Variants in SHISA9 observed in about 807,000 individuals in gnomAD.
SHISA9 encodes the protein protein shisa-9.
SHISA9 carries 13 observed loss-of-function variants against 38.0 expected under a neutral mutation model. The observed-to-expected ratio is 0.34, with a 90% confidence interval of 0.22 to 0.54. The LOEUF (loss-of-function observed/expected upper bound fraction) is 0.54. Among genes scored for constraint, SHISA9 ranks in the 20% least tolerant of loss-of-function variants. SHISA9 has a pLI of 0.91. For missense variants in SHISA9, 538 were observed against 575.8 expected (o/e 0.93, Z 0.67); for synonymous variants, 275 against 242.0 (o/e 1.14, Z -1.27).
At chr16:13,257,378 A>G in the SHISA9 span, among the ~76,000 whole-genome samples, 5 of 152,274 alleles carry the variant, frequency 3.3e-5, no homozygotes, top group Non-Finnish European at 5.9e-5. Context: ...CTTTCTGATC[A>G]CTAAGATTGG....
the SHISA9 span, among the ~76,000 whole-genome samples, chr16:13,471,262 G>T: frequency 2.6e-5 from 4 of 152,232 alleles, no homozygotes; most frequent in Non-Finnish European, 1.5e-5. Context: ...CCTGAAATAT[G>T]GAGGACTGAA....
rs60916250 is a variant in SHISA9, at chr16:13,204,134, TTATCTATCTATCTATC to T, written c.847+605_847+620del. The stretch of plus-strand genomic sequence containing the variant: ...CTATTATCTATCATCTAACTACCTA[TTATCTATCTATCTATC>T]TATCTATCTATCTATCTATTTATCT... On this transcript the variant is annotated intron_variant, in intron 3 of 4. Coordinates refer to ENST00000558583, the MANE Select transcript of SHISA9 (RefSeq NM_001145204.3). Among the ~76,000 whole-genome samples the T allele has an allele frequency of 2.0e-3, 292 of 149,340 alleles. 1 individual carries two copies. The highest frequency in any genetic ancestry group is 5.0e-3 in the African/African-American group (201 of 40,462).
chr16:13,364,660 A>T, the SHISA9 span, among the ~76,000 whole-genome samples: 3 of 152,206 alleles, frequency 2.0e-5, no homozygotes, highest in African/African-American at 4.8e-5. Flanking sequence ...TATGTCATTT[A>T]TTCTTGGATC....
chr16:13,140,462 C>T (rs2050392504), intron 2 of SHISA9, among the ~76,000 whole-genome samples: 1 of 152,066 alleles, frequency 6.6e-6, no homozygotes, highest in South Asian at 2.1e-4. Context: ...TAGGCGTCAG[C>T]CACTGCACCT....
At chr16:13,268,602 G>C in the SHISA9 span, among the ~76,000 whole-genome samples, 1 of 152,076 alleles carries the variant, frequency 6.6e-6, no homozygotes, top group Non-Finnish European at 1.5e-5. Context: ...AGAGGAAATG[G>C]GGAACATTAC....
chr16:13,019,534 A>G (rs1020977303), intron 2 of SHISA9, among the ~76,000 whole-genome samples: 2 of 151,484 alleles, frequency 1.3e-5, no homozygotes, highest in Non-Finnish European at 2.9e-5. Context: ...GATTTTAGCT[A>G]TTTTTAGGTG....
chr16:13,259,648 G>A, the SHISA9 span, among the ~76,000 whole-genome samples: 1 of 152,204 alleles, frequency 6.6e-6, no homozygotes, highest in African/African-American at 2.4e-5. Context: ...TGACTTCTGT[G>A]TATCCACATG....
chr16:13,395,131 C>G, the SHISA9 span, among the ~76,000 whole-genome samples: 1 of 152,122 alleles, frequency 6.6e-6, no homozygotes, highest in Admixed American at 6.6e-5. Context: ...TGGCAGGTTT[C>G]ATGAATATGC....
the SHISA9 span, among the ~76,000 whole-genome samples, chr16:13,423,279 C>T: frequency 3.5e-4 from 53 of 152,304 alleles, no homozygotes; most frequent in African/African-American, 1.3e-3. Flanking sequence ...AACCACCAGC[C>T]TCTGGCCATC....
At chr16:13,203,724 T>C (rs1448770912) in intron 3 of SHISA9, among the ~76,000 whole-genome samples, 175 bp downstream of exon 3, 5 of 152,202 alleles carry the variant, frequency 3.3e-5, no homozygotes, top group Admixed American at 3.3e-4. Context: ...TGTCTATAAA[T>C]ATGTATATCT....
rs1432272073 is a variant in SHISA9 at position 13,019,937 on chromosome 16, T to C, written c.691+103122T>C. ...TTTCTTTCTTTCTTTCTTTCTTTCT[T>C]TCTTTCTTTCTTTCTTTCTTTCCCT... On this transcript the variant is annotated intron_variant, in intron 2 of 4. Coordinates refer to ENST00000558583, the MANE Select transcript of SHISA9 (RefSeq NM_001145204.3). 2.4e-3 allele frequency among the ~76,000 whole-genome samples: 217 copies of C among 88,978 alleles called. 3 individuals are homozygous for C. The highest frequency in any genetic ancestry group is 3.7e-3 in the Non-Finnish European group (143 of 38,948). 58.4% of individuals were successfully genotyped at this position (88,978 alleles called of 152,430 possible). A position where few individuals can be genotyped will look rare whatever the true frequency, so the allele number is the denominator to read the frequency against.
the SHISA9 span, among the ~76,000 whole-genome samples, chr16:13,512,525 A>C: frequency 2.0e-5 from 3 of 151,986 alleles, no homozygotes; most frequent in Admixed American, 6.6e-5. Context: ...ATATGGAACC[A>C]AAAAAAAGAG....
Position 13,070,280 on chromosome 16 carries a change from A to C in SHISA9, c.692-133114A>C, listed in dbSNP as rs1001617983. 2.0e-5 allele frequency among the ~76,000 whole-genome samples: 3 copies of C among 151,058 alleles called. No homozygotes were observed. In the South Asian group the frequency reaches 6.3e-4, roughly 32 times the overall value. On this transcript the variant is annotated intron_variant, in intron 2 of 4. Coordinates refer to ENST00000558583, the MANE Select transcript of SHISA9 (RefSeq NM_001145204.3). Reference sequence around the variant, plus strand: ...GCTCTGTCCCCCGGACTCTGCCTCCATCTCTGTGTCTCCCTCCCTCTCTCT... The same window carrying C: ...GCTCTGTCCCCCGGACTCTGCCTCCCTCTCTGTGTCTCCCTCCCTCTCTCT...
intron 2 of SHISA9, among the ~76,000 whole-genome samples, chr16:13,119,377 G>A (rs2141975976): frequency 6.6e-6 from 1 of 152,232 alleles, no homozygotes; most frequent in African/African-American, 2.4e-5. Context: ...GTATGACATA[G>A]GAATAAGGAC....
intron 2 of SHISA9, among the ~76,000 whole-genome samples, chr16:13,196,087 CAAAA>C (rs1172680715): frequency 2.3e-3 from 32 of 14,138 alleles, no homozygotes; most frequent in South Asian, 9.1e-3. Context: ...GACTCTCTCT[CAAAA>C]AAAAAAAAAA....
chr16:13,250,344 G>A, the SHISA9 span, among the ~76,000 whole-genome samples: 1 of 152,150 alleles, frequency 6.6e-6, no homozygotes, highest in East Asian at 1.9e-4. Context: ...GTCCTGAGGA[G>A]TGGCAAATAG....
intron 2 of SHISA9, among the ~76,000 whole-genome samples, chr16:12,953,605 C>G (rs913752281): frequency 7.9e-5 from 12 of 152,170 alleles, no homozygotes; most frequent in African/African-American, 2.9e-4. Flanking sequence ...ACCTATTACT[C>G]TTTTACTGCC....
At chr16:13,184,646 A>G (rs987355739) in intron 2 of SHISA9, among the ~76,000 whole-genome samples, 3 of 152,160 alleles carry the variant, frequency 2.0e-5, no homozygotes, top group African/African-American at 4.8e-5. Context: ...CCTGGCAGCC[A>G]CTGCTCTGTC....
At chr16:13,492,063 A>G in the SHISA9 span, among the ~76,000 whole-genome samples, 1 of 150,960 alleles carries the variant, frequency 6.6e-6, no homozygotes, top group Non-Finnish European at 1.5e-5. Flanking sequence ...CTTTGTCCCT[A>G]CCCACCTCAC....
Sources: allele counts gnomAD v4.1 joint callset (sites outside exome capture counted in the v4.1 genomes callset), GRCh38; gene constraint gnomAD v4.1.1; transcripts MANE v1.5; gene names NCBI Gene and HGNC (gene_info 2026-07-23, HGNC 2026-07-21).